The following RBBP7 variants were observed in gnomAD, a reference collection of about 807,000 sequenced individuals.
The protein encoded by RBBP7 is histone-binding protein RBBP7.
Under a neutral mutation model 35.2 loss-of-function variants are expected in RBBP7, and 5 were observed. The observed-to-expected ratio is 0.14, with a 90% CI of 0.07 to 0.30. The LOEUF is 0.30. RBBP7 is among the 10% of genes least tolerant of loss of function. The pLI, the probability that RBBP7 is intolerant of heterozygous loss-of-function variation, is 1.00. For missense variants in RBBP7, 155 were observed against 327.5 expected (o/e 0.47, Z 4.07); for synonymous variants, 140 against 118.7 (o/e 1.18, Z -1.17).
intron 3 of RBBP7, among the ~76,000 whole-genome samples, chrX:16,862,680 G>T (rs1213726611): frequency 9.0e-6 from 1 of 111,398 alleles, no homozygotes; most frequent in Non-Finnish European, 1.9e-5. Flanking sequence ...ATGGCACCTG[G>T]CCTTTCTTAT....
chrX:16,861,867 T>G (rs746026308), intron 3 of RBBP7, among the ~76,000 whole-genome samples: 1 of 111,660 alleles, frequency 9.0e-6, no homozygotes, highest in African/African-American at 3.3e-5. Context: ...CTGATGATTT[T>G]GTGGTGTGCA....
chrX:16,852,257 C>A, intron 8 of RBBP7, 135 bp from the exon 9 acceptor site: 1 of 617,560 alleles, frequency 1.6e-6, no homozygotes. Context: ...ACTCTCTTGT[C>A]CCCGACTTTC....
At chrX:16,863,991 A>T (rs1409229637) in intron 2 of RBBP7, among the ~76,000 whole-genome samples, 1 of 110,358 alleles carries the variant, frequency 9.1e-6, no homozygotes, top group African/African-American at 3.3e-5. Flanking sequence ...TAGGCCATTT[A>T]TCTGTTTCTA....
chrX:16,869,349 T>G (rs771707961), intron 1 of RBBP7, 129 bp from the exon 2 acceptor site: 11 of 1,059,219 alleles, frequency 1.0e-5, no homozygotes, highest in Non-Finnish European at 1.4e-5. Context: ...CACGGACAAC[T>G]AACTGCTCTT....
At chrX:16,857,487 A>G in intron 5 of RBBP7, 107 bp downstream of exon 5, 1 of 1,105,901 alleles carries the variant, frequency 9.0e-7, no homozygotes, top group East Asian at 3.2e-5. Flanking sequence ...CACAATAATC[A>G]GCAGTATTAT....
At chrX:16,857,067 T>A (rs1930370608) in intron 5 of RBBP7, among the ~76,000 whole-genome samples, 1 of 111,183 alleles carries the variant, frequency 9.0e-6, no homozygotes, top group South Asian at 3.7e-4. Context: ...TCCATTTACA[T>A]GAAATACCAA....
chrX:16,862,674 C>A (rs1363562925), intron 3 of RBBP7, among the ~76,000 whole-genome samples: 1 of 111,635 alleles, frequency 9.0e-6, no homozygotes, highest in Non-Finnish European at 1.9e-5. Context: ...TGAGCCATGG[C>A]ACCTGGCCTT....
Position 16,868,446 on chromosome X carries a change from AAAC to A in RBBP7, c.161+627_161+629del, listed in dbSNP as rs1930680878. On this transcript the variant is annotated intron_variant, in intron 2 of 11. Transcript: ENST00000380087. ...ATAGTACTATTATGAGGATTACAAC[AAAC>A]AACAGGACGTAGATTCTTCAGATGT... Among the ~76,000 whole-genome samples, 3 of 112,160 alleles carry A rather than the reference AAAC, an allele frequency of 2.7e-5. No individual in the cohort carries two copies. The South Asian group carries it at 1.1e-3, about 41-fold the overall frequency.
At chrX:16,861,773 T>C (rs188517980) in intron 3 of RBBP7, among the ~76,000 whole-genome samples, 25 of 111,871 alleles carry the variant, frequency 2.2e-4, no homozygotes, top group Non-Finnish European at 3.6e-4. Flanking sequence ...CTGGAGTCTC[T>C]GAGGAACACT....
intron 8 of RBBP7, 58 bp from the exon 9 acceptor site, chrX:16,852,180 G>T: frequency 1.0e-6 from 1 of 973,101 alleles, no homozygotes; most frequent in Non-Finnish European, 1.5e-6. Flanking sequence ...TAGGTTTGTG[G>T]CTGTTGTTCT....
In RBBP7 at chrX:16,849,236, A is replaced by G. The variant is rs1377844628; in HGVS notation, c.1098+8T>C. 8 of 1,205,856 alleles carry G rather than the reference A, an allele frequency of 6.6e-6. No individual in the cohort carries two copies. Among genetic ancestry groups the G allele is most frequent in the Non-Finnish European group, 9.0e-6 (8 of 892,067 alleles). On this transcript the variant is annotated splice_region_variant and intron_variant, in intron 10 of 11. Coordinates refer to ENST00000380087, the MANE Select transcript of RBBP7 (RefSeq NM_002893.4). ...ATGACATTTCATCTTCTATAAGCCAATGCGTACCAGGAGTTCTGGAGGCCC... is the reference window on the plus strand; with the variant it reads ...ATGACATTTCATCTTCTATAAGCCAGTGCGTACCAGGAGTTCTGGAGGCCC...
chrX:16,860,742 A>C (rs896563453), intron 3 of RBBP7, among the ~76,000 whole-genome samples: 1 of 111,308 alleles, frequency 9.0e-6, no homozygotes, highest in Non-Finnish European at 1.9e-5. Context: ...GTATTAACTG[A>C]ATTATTTCAG....
At chrX:16,857,739 T>C in intron 4 of RBBP7, 30 bp from the exon 5 acceptor site, 1 of 1,185,344 alleles carries the variant, frequency 8.4e-7, no homozygotes, top group East Asian at 3.1e-5. Context: ...ATTAAGTTAT[T>C]CTCTGTTTAT....
At chrX:16,850,837 G>A (rs889988746) in intron 9 of RBBP7, among the ~76,000 whole-genome samples, 1 of 112,491 alleles carries the variant, frequency 8.9e-6, no homozygotes, top group Admixed American at 9.4e-5. Flanking sequence ...AATGGCTCAT[G>A]CCTGTAATCC....
intron 2 of RBBP7, among the ~76,000 whole-genome samples, chrX:16,868,704 A>T (rs757501328): frequency 3.6e-5 from 4 of 112,614 alleles, no homozygotes; most frequent in African/African-American, 1.3e-4. Flanking sequence ...GTAAAAATTT[A>T]TCAAGCCATA....
intron 3 of RBBP7, 36 bp downstream of exon 3, chrX:16,862,919 C>G: frequency 8.4e-7 from 1 of 1,189,366 alleles, no homozygotes; most frequent in Non-Finnish European, 1.1e-6. Flanking sequence ...GACATTTTCC[C>G]TTTGACACCA....
Position 16,849,352 on chromosome X carries a change from G to A in RBBP7, c.1041-51C>T, listed in dbSNP as rs777350642. The A allele has an allele frequency of 2.7e-5, 29 of 1,060,364 alleles. No individual in the cohort carries two copies. The East Asian group carries it at 7.1e-4, about 26-fold the overall frequency. The allele number at this position is 1,060,364 out of a possible 1,213,427, so 87.4% of individuals were successfully genotyped here. A position where few individuals can be genotyped will look rare whatever the true frequency, so the allele number is the denominator to read the frequency against. On this transcript the variant is annotated intron_variant, in intron 9 of 11. Transcript: ENST00000380087. The stretch of plus-strand genomic sequence containing the variant: ...TTCATCAGTGAAATTCTTGTAGCAC[G>A]AACATCTGCTAAACCAGTATCAGCC...
In RBBP7 at chrX:16,846,060, A is replaced by G. The variant is rs935179807; in HGVS notation, c.1099-122T>C. The G allele has an allele frequency of 8.5e-6, 9 of 1,059,642 alleles. No homozygotes were observed. The African/African-American group carries it at 1.3e-4, about 16-fold the overall frequency. 87.3% of individuals were successfully genotyped at this position (1,059,642 alleles called of 1,213,427 possible). A position where few individuals can be genotyped will look rare whatever the true frequency, so the allele number is the denominator to read the frequency against. ...GGGGGTGGGTGCTGTCTGGTTTTAG[A>G]AGGTGGTACAGGCTCAGTAATCTAT... On this transcript the variant is annotated intron_variant, in intron 10 of 11. Coordinates refer to ENST00000380087, the MANE Select transcript of RBBP7 (RefSeq NM_002893.4).
At chrX:16,853,576 T>A in intron 6 of RBBP7, 106 bp downstream of exon 6, 1 of 801,245 alleles carries the variant, frequency 1.2e-6, no homozygotes, top group South Asian at 4.0e-5. Flanking sequence ...AGCTGTTTTT[T>A]AAAGCCATAA....
Sources: allele counts gnomAD v4.1 joint callset (sites outside exome capture counted in the v4.1 genomes callset), GRCh38; gene constraint gnomAD v4.1.1; transcripts MANE v1.5; gene names NCBI Gene and HGNC (gene_info 2026-07-23, HGNC 2026-07-21).